COP1: variants seen among roughly 807,000 people sequenced by gnomAD.
The protein encoded by COP1 is E3 ubiquitin-protein ligase COP1.
COP1 carries 24 observed loss-of-function variants against 101.3 expected under a neutral mutation model. The ratio of observed to expected loss-of-function variants is 0.24; its 90% CI spans 0.17 to 0.33. The LOEUF is 0.33. Ranked by LOEUF, COP1 falls within the 10% of genes least tolerant of loss-of-function variation. The pLI is 1.00. For synonymous variants in COP1, 347 were observed against 341.9 expected, an observed-to-expected ratio of 1.01 and a Z score of -0.17; for missense variants, 663 against 906.2, an observed-to-expected ratio of 0.73 and a Z score of 3.45.
At chr1:176,166,515 G>A (rs1373426712) in intron 3 of COP1, among the ~76,000 whole-genome samples, 1 of 152,108 alleles carries the variant, frequency 6.6e-6, no homozygotes, top group Non-Finnish European at 1.5e-5. Flanking sequence ...AACAAACAAT[G>A]TATTAACTGT....
intron 18 of COP1, among the ~76,000 whole-genome samples, chr1:175,972,399 C>T (rs1382223320): frequency 6.6e-6 from 1 of 151,580 alleles, no homozygotes; most frequent in Non-Finnish European, 1.5e-5. Flanking sequence ...AAGAATTTAC[C>T]GAATACCTAC....
rs61267982 is a variant in COP1 at position 176,049,178 on chromosome 1, C to CAA, written c.1278-2856_1278-2855dup. ...TGGGCAACAGAGCGAGACTCCGTCTCAAAAAAAAAAAAAAAAAAAAAAAAA... is the reference window on the plus strand; with the variant it reads ...TGGGCAACAGAGCGAGACTCCGTCTCAAAAAAAAAAAAAAAAAAAAAAAAAAA... On this transcript the variant is annotated intron_variant, in intron 11 of 19. Coordinates refer to ENST00000367669, the MANE Select transcript of COP1 (RefSeq NM_022457.7). Among the ~76,000 whole-genome samples, 50 of 118,328 alleles carry CAA rather than the reference C, an allele frequency of 4.2e-4. No homozygotes were observed. In the Middle Eastern group the frequency reaches 0.014, roughly 33 times the overall value. 77.6% of individuals were successfully genotyped at this position (118,328 alleles called of 152,430 possible).
chr1:175,956,437 A>G (rs1302663754), intron 18 of COP1, among the ~76,000 whole-genome samples: 1 of 152,130 alleles, frequency 6.6e-6, no homozygotes, highest in Non-Finnish European at 1.5e-5. Context: ...AAAAAATCAG[A>G]GAAAATCTTT....
At chr1:176,200,508 G>A (rs1700157403) in intron 1 of COP1, among the ~76,000 whole-genome samples, 1 of 152,144 alleles carries the variant, frequency 6.6e-6, no homozygotes, top group African/African-American at 2.4e-5. Flanking sequence ...GGGAAAAAAT[G>A]TACCACCCCA....
At chr1:176,160,358 G>A (rs973288350) in intron 5 of COP1, 1 of 281,798 alleles carries the variant, frequency 3.5e-6, no homozygotes. Context: ...ACATAGGAAT[G>A]GGCAAAGACT....
intron 5 of COP1, among the ~76,000 whole-genome samples, chr1:176,160,009 T>C (rs1041712480): frequency 2.6e-5 from 4 of 152,146 alleles, no homozygotes; most frequent in African/African-American, 7.2e-5. Flanking sequence ...TAAATAATAA[T>C]GAAAAGTAAA....
At chr1:176,137,286 T>TA (rs1168880788) in intron 6 of COP1, among the ~76,000 whole-genome samples, 1 of 152,200 alleles carries the variant, frequency 6.6e-6, no homozygotes, top group Admixed American at 6.6e-5. Flanking sequence ...CCTTTCTCAT[T>TA]AGAGATTTAA....
chr1:176,201,422 C>G (rs888409839), intron 1 of COP1, among the ~76,000 whole-genome samples: 2 of 152,026 alleles, frequency 1.3e-5, no homozygotes, highest in Non-Finnish European at 2.9e-5. Flanking sequence ...CATACACATA[C>G]AAGAAGGAAA....
In COP1 at chr1:176,109,351, G is replaced by A. The variant is rs564302232; in HGVS notation, c.1026+7273C>T. On this transcript the variant is annotated intron_variant, in intron 9 of 19. Coordinates refer to ENST00000367669, the MANE Select transcript of COP1 (RefSeq NM_022457.7). ...AAACAAGCTAAATTTCCTTCAAATAGTTTCCCATTTGTCCCAACACCATGC... is the reference window on the plus strand; with the variant it reads ...AAACAAGCTAAATTTCCTTCAAATAATTTCCCATTTGTCCCAACACCATGC... 3.3e-5 allele frequency among the ~76,000 whole-genome samples: 5 copies of A among 152,194 alleles called. No individual in the cohort carries two copies. In the South Asian group the frequency reaches 1.0e-3, roughly 32 times the overall value.
chr1:176,173,097 G>A (rs1427124695), intron 3 of COP1, among the ~76,000 whole-genome samples: 1 of 152,092 alleles, frequency 6.6e-6, no homozygotes, highest in African/African-American at 2.4e-5. Context: ...TGATCACGAG[G>A]TCAGGAGTTT....
chr1:176,160,785 G>C (rs1332664156), intron 5 of COP1, among the ~76,000 whole-genome samples: 1 of 152,180 alleles, frequency 6.6e-6, no homozygotes, highest in Admixed American at 6.5e-5. Flanking sequence ...AGATGCTGAC[G>C]AGGCTGTGGA....
chr1:176,143,979 C>A (rs1055775481), intron 6 of COP1, among the ~76,000 whole-genome samples: 1 of 152,064 alleles, frequency 6.6e-6, no homozygotes, highest in African/African-American at 2.4e-5. Flanking sequence ...AAAGTACCTA[C>A]AAAAAACCTA....
intron 11 of COP1, among the ~76,000 whole-genome samples, chr1:176,063,267 A>G (rs1675310021): frequency 6.6e-6 from 1 of 151,502 alleles, no homozygotes; most frequent in African/African-American, 2.4e-5. Flanking sequence ...TCACCTTGTT[A>G]GCCAGGATGG....
chr1:175,953,617 T>C (rs761448982), intron 18 of COP1, among the ~76,000 whole-genome samples: 153 of 151,806 alleles, frequency 1.0e-3, no homozygotes, highest in Non-Finnish European at 1.9e-3. Flanking sequence ...GGAAACACTT[T>C]AAACATAAAA....
chr1:176,140,520 T>C (rs1490686966), intron 6 of COP1, among the ~76,000 whole-genome samples: 1 of 152,130 alleles, frequency 6.6e-6, no homozygotes, highest in Admixed American at 6.5e-5. Context: ...CTGTAAATTA[T>C]AAGGGCATCA....
intron 15 of COP1, among the ~76,000 whole-genome samples, chr1:175,990,669 G>A (rs997063702): frequency 6.6e-6 from 1 of 152,048 alleles, no homozygotes; most frequent in Non-Finnish European, 1.5e-5. Flanking sequence ...TTGTTTTGAG[G>A]TGTGTTGATA....
intron 1 of COP1, among the ~76,000 whole-genome samples, chr1:176,186,706 G>A (rs966130536): frequency 1.4e-4 from 22 of 152,188 alleles, no homozygotes; most frequent in Non-Finnish European, 1.5e-4. Context: ...ATGCTGAAAA[G>A]AAGACTAAAG....
chr1:176,186,554 A>G (rs915316296), intron 1 of COP1, among the ~76,000 whole-genome samples: 2 of 152,108 alleles, frequency 1.3e-5, no homozygotes, highest in Non-Finnish European at 2.9e-5. Context: ...AGAAAAGAGA[A>G]AAAAAAGGGC....
At chr1:175,982,526 TTAA>T (rs752884277) in intron 18 of COP1, 28 of 358,442 alleles carry the variant, frequency 7.8e-5, no homozygotes, top group South Asian at 1.9e-4. Flanking sequence ...TATGATTTTC[TTAA>T]TAATATTTTC....
Sources: allele counts gnomAD v4.1 joint callset (sites outside exome capture counted in the v4.1 genomes callset), GRCh38; gene constraint gnomAD v4.1.1; transcripts MANE v1.5; gene names NCBI Gene and HGNC (gene_info 2026-07-23, HGNC 2026-07-21).